The following SMIM21 variants were observed in gnomAD, a reference collection of about 807,000 sequenced individuals.
SMIM21 encodes small integral membrane protein 21.
SMIM21 carries 8 observed loss-of-function variants against 8.6 expected under a neutral mutation model. The ratio of observed to expected loss-of-function variants is 0.93; its 90% CI spans 0.55 to 1.68. SMIM21 has a LOEUF of 1.68. Ranked by LOEUF, SMIM21 falls within the 40% of genes most tolerant of loss-of-function variation. The pLI is 0.00. For missense variants in SMIM21, 132 were observed against 123.0 expected (o/e 1.07, Z -0.35); for synonymous variants, 43 against 41.7 (o/e 1.03, Z -0.12).
intron 2 of SMIM21, chr18:75,418,333 CA>C (rs2024670434): frequency 1.0e-5 from 4 of 393,960 alleles, no homozygotes; most frequent in Non-Finnish European, 1.3e-5. Flanking sequence ...GAAATAAACT[CA>C]AAGAAGGGCT....
chr18:75,425,041 C>T (rs1377397090), intron 1 of SMIM21, among the ~76,000 whole-genome samples: 2 of 152,172 alleles, frequency 1.3e-5, no homozygotes, highest in African/African-American at 4.8e-5. Flanking sequence ...TCTGCTGTTA[C>T]TGAGAAAAGA....
chr18:75,423,703 A>G (rs1318829743), intron 1 of SMIM21, among the ~76,000 whole-genome samples: 1 of 152,250 alleles, frequency 6.6e-6, no homozygotes, highest in Non-Finnish European at 1.5e-5. Flanking sequence ...TGGAGCCAAT[A>G]GCACTGACTC....
intron 1 of SMIM21, among the ~76,000 whole-genome samples, chr18:75,420,707 G>C (rs1027202722): frequency 4.6e-5 from 7 of 152,146 alleles, no homozygotes; most frequent in Admixed American, 4.6e-4. Context: ...CTTGTCCTAC[G>C]TTTGAAGCCA....
At chr18:75,415,755 G>A (rs2024637180) in intron 2 of SMIM21, among the ~76,000 whole-genome samples, 1 of 152,156 alleles carries the variant, frequency 6.6e-6, no homozygotes, top group African/African-American at 2.4e-5. Context: ...ATTCACTTGA[G>A]GTAGCAAAGA....
chr18:75,420,142 T>C (rs1292363457), intron 1 of SMIM21, among the ~76,000 whole-genome samples: 1 of 152,202 alleles, frequency 6.6e-6, no homozygotes, highest in Non-Finnish European at 1.5e-5. Context: ...TGGACTCGCC[T>C]TGCTGCTGGA....
chr18:75,410,642 C>G lies in SMIM21; in HGVS notation c.*222G>C. On this transcript the variant is annotated 3_prime_UTR_variant, in exon 3 of 3. Transcript: ENST00000579022. ...TTGGGTGGCATCTGCAGCTCTCCTCCGGAATATTCCTGAACAGAAAAAGGA... is the reference window on the plus strand; with the variant it reads ...TTGGGTGGCATCTGCAGCTCTCCTCGGGAATATTCCTGAACAGAAAAAGGA... 2 of 1,285,086 alleles carry G rather than the reference C, an allele frequency of 1.6e-6. No homozygotes were observed. The highest frequency in any genetic ancestry group is 2.7e-5 in the East Asian group (1 of 36,928). The allele number at this position is 1,285,086 out of a possible 1,614,324, so 79.6% of individuals were successfully genotyped here. A position where few individuals can be genotyped will look rare whatever the true frequency, so the allele number is the denominator to read the frequency against.
At chr18:75,412,940 A>T (rs1464447086) in intron 2 of SMIM21, among the ~76,000 whole-genome samples, 2 of 152,092 alleles carry the variant, frequency 1.3e-5, no homozygotes, top group Non-Finnish European at 1.5e-5. Context: ...CCGAACTCTT[A>T]TTTGAATCCA....
In SMIM21 at chr18:75,427,525, A is replaced by G. The variant is rs1380636390; in HGVS notation, c.39T>C (p.Pro13=). 1.2e-6 allele frequency: 2 copies of G among 1,613,588 alleles called. No homozygotes were observed. Among genetic ancestry groups the G allele is most frequent in the Non-Finnish European group, 1.7e-6 (2 of 1,179,720 alleles). ...GTTTAAATGTTCCCAGCTGTGCTAT[A>G]GGGAATCGGGGAGGAGCTGTGGACA... ...QYVSTAPPRF[P]IAQLGTFKQD... is the part of the protein sequence containing the mutation. Residue 13 remains proline, a synonymous_variant, in exon 1 of 3, where the codon CCT becomes CCC. Transcript: ENST00000579022.
In SMIM21 at chr18:75,410,508, GA is replaced by G. The variant is rs1004400217; in HGVS notation, c.*355del. The G allele has an allele frequency of 6.8e-5, 19 of 277,752 alleles. No homozygotes were observed. Among genetic ancestry groups the G allele is most frequent in the African/African-American group, 3.9e-4 (18 of 45,956 alleles). 17.2% of individuals were successfully genotyped at this position (277,752 alleles called of 1,614,324 possible). A position where few individuals can be genotyped will look rare whatever the true frequency, so the allele number is the denominator to read the frequency against. On this transcript the variant is annotated 3_prime_UTR_variant, in exon 3 of 3. Coordinates refer to ENST00000579022, the MANE Select transcript of SMIM21 (RefSeq NM_001037331.3). ...CGAAATAAGTGAAAGCACTTGCAAG[GA>G]AAAAGTTACAGCAGCAATTGAAAAT... is the stretch of plus-strand genomic sequence containing the variant.
rs759348304 is a variant in SMIM21 at position 75,413,271 on chromosome 18, C to G, written c.261-2362G>C. ...CCATGCCAGATGTTCAGCTGCCAAG[C>G]TTTCTGTCTCCGCACTAAACCCAGT... On this transcript the variant is annotated intron_variant, in intron 2 of 2. Transcript: ENST00000579022. Among the ~76,000 whole-genome samples the G allele has an allele frequency of 1.4e-4, 21 of 152,208 alleles. 1 individual carries two copies. The highest frequency in any genetic ancestry group is 2.2e-4 in the Non-Finnish European group (15 of 68,048).
chr18:75,426,213 T>C (rs2024759656), intron 1 of SMIM21, among the ~76,000 whole-genome samples: 1 of 152,200 alleles, frequency 6.6e-6, no homozygotes, highest in Non-Finnish European at 1.5e-5. Context: ...ACATATGAAA[T>C]GCACAAAACC....
chr18:75,413,077 G>A (rs531293153), intron 2 of SMIM21, among the ~76,000 whole-genome samples: 10 of 152,146 alleles, frequency 6.6e-5, no homozygotes, highest in Non-Finnish European at 1.2e-4. Flanking sequence ...GCTGGCAGTC[G>A]CTGAGGTCCA....
chr18:75,426,393 T>A (rs1332438644), intron 1 of SMIM21, among the ~76,000 whole-genome samples: 1 of 151,956 alleles, frequency 6.6e-6, no homozygotes, highest in Non-Finnish European at 1.5e-5. Context: ...CACTGCAAGC[T>A]CTGCCTCCCG....
At chr18:75,422,984 C>T (rs1255349750) in intron 1 of SMIM21, among the ~76,000 whole-genome samples, 1 of 152,156 alleles carries the variant, frequency 6.6e-6, no homozygotes, top group East Asian at 1.9e-4. Context: ...TTTAGAAACA[C>T]TTTGTCCTTA....
intron 1 of SMIM21, among the ~76,000 whole-genome samples, chr18:75,425,362 A>G (rs1333105793): frequency 3.3e-5 from 5 of 152,228 alleles, no homozygotes; most frequent in Non-Finnish European, 5.9e-5. Context: ...TAGTGGAACC[A>G]GTGAACACTG....
chr18:75,413,995 CTATT>C (rs772108015), intron 2 of SMIM21, among the ~76,000 whole-genome samples: 3 of 151,924 alleles, frequency 2.0e-5, no homozygotes, highest in Non-Finnish European at 1.5e-5. Context: ...CAAAGAACAA[CTATT>C]TATTTTGCAA....
chr18:75,410,718 G>C lies in SMIM21; in HGVS notation c.*146C>G. On this transcript the variant is annotated 3_prime_UTR_variant, in exon 3 of 3. Transcript: ENST00000579022. ...ACATTATCATTGCAAAAAGTTACACGTTCTTCATTCTCTCTGTGGAGCTCC... is the reference window on the plus strand; with the variant it reads ...ACATTATCATTGCAAAAAGTTACACCTTCTTCATTCTCTCTGTGGAGCTCC... The C allele has an allele frequency of 6.9e-7, 1 of 1,456,840 alleles. No homozygotes were observed. Among genetic ancestry groups the C allele is most frequent in the Non-Finnish European group, 9.0e-7 (1 of 1,109,354 alleles). The allele number at this position is 1,456,840 out of a possible 1,614,324, so 90.2% of individuals were successfully genotyped here. A position where few individuals can be genotyped will look rare whatever the true frequency, so the allele number is the denominator to read the frequency against.
chr18:75,411,509 A>G (rs1030183315), intron 2 of SMIM21, among the ~76,000 whole-genome samples: 1 of 152,244 alleles, frequency 6.6e-6, no homozygotes, highest in Admixed American at 6.5e-5. Context: ...AGTTAGATTC[A>G]CATGCATTGA....
chr18:75,411,887 C>T (rs112226996), intron 2 of SMIM21, among the ~76,000 whole-genome samples: 226 of 152,284 alleles, frequency 1.5e-3, no homozygotes, highest in Admixed American at 3.2e-3. Context: ...CCATCTGCTC[C>T]CTTCATTTCT....
Sources: gnomAD v4.1 joint callset for allele counts (sites outside exome capture counted in the v4.1 genomes callset) on GRCh38, gnomAD v4.1.1 for gene constraint, MANE v1.5 for transcripts, NCBI Gene and HGNC (gene_info 2026-07-23, HGNC 2026-07-21) for gene names.